The following RIMBP2 variants were observed in gnomAD, a reference collection of about 807,000 sequenced individuals.
RIMBP2 encodes RIMS-binding protein 2.
In RIMBP2, 48 loss-of-function variants were observed where a neutral mutation model predicts 118.6. That is an observed-to-expected ratio of 0.40 (90% CI 0.32 to 0.51). The LOEUF is 0.51. Among genes scored for constraint, RIMBP2 ranks in the 20% least tolerant of loss-of-function variants. The pLI is 0.41. For synonymous variants in RIMBP2, 762 were observed against 742.9 expected (o/e 1.03, Z -0.42); for missense variants, 1,551 against 1,768.3 (o/e 0.88, Z 2.20).
rs1027523336 is a variant in RIMBP2, at chr12:130,642,565, G to A, written c.-351-14109C>T. On this transcript the variant is annotated intron_variant, in intron 1 of 22. Coordinates refer to ENST00000690449, the MANE Select transcript of RIMBP2 (RefSeq NM_001393629.1). ...CTCCTAAAGTGTTGGGATTACAGGC[G>A]TGAGCCACCATGCCCAGCCTGGGTT... is the stretch of plus-strand genomic sequence containing the variant. 1.2e-4 allele frequency among the ~76,000 whole-genome samples: 19 copies of A among 152,312 alleles called. No homozygotes were observed. The South Asian group carries it at 2.5e-3, about 20-fold the overall frequency.
intron 6 of RIMBP2, among the ~76,000 whole-genome samples, chr12:130,468,540 G>C (rs749136648): frequency 2.0e-5 from 3 of 152,068 alleles, no homozygotes; most frequent in Admixed American, 6.5e-5. Flanking sequence ...ACTTTCAAAG[G>C]CCTGTCTCGG....
rs2063775804 is a variant in RIMBP2 at position 130,664,334 on chromosome 12, C to A, written c.-351-35878G>T. Among the ~76,000 whole-genome samples the A allele has an allele frequency of 1.3e-5, 2 of 151,400 alleles. 1 individual carries two copies. The highest frequency in any genetic ancestry group is 2.9e-5 in the Non-Finnish European group (2 of 68,028). On this transcript the variant is annotated intron_variant, in intron 1 of 22. Transcript: ENST00000690449. ...AATAGAGATAAGTTGGAAATAGACA[C>A]AGAAATACACACACACATGCACACA...
At chr12:130,510,725 T>C (rs1593587757) in intron 3 of RIMBP2, among the ~76,000 whole-genome samples, 1 of 152,198 alleles carries the variant, frequency 6.6e-6, no homozygotes, top group East Asian at 1.9e-4. Flanking sequence ...CACTTCGGCC[T>C]CCCGAAGTGC....
intron 1 of RIMBP2, among the ~76,000 whole-genome samples, chr12:130,699,921 A>G (rs1417884939): frequency 1.3e-5 from 2 of 150,912 alleles, no homozygotes; most frequent in Non-Finnish European, 3.0e-5. Flanking sequence ...AAAAAAAAAA[A>G]AAAAAAAAGA....
chr12:130,437,021 C>A lies in RIMBP2; in HGVS notation c.1927G>T (p.Glu643Ter). ...ACAGGGCCAGGTGCACGGCTCTGCT[C>A]CCAGGCCTCATCCATCCTGGCGTGG... ...GPHARMDEAW[E>*]QSRAPGPVHG... Residue 643 changes from glutamate to a stop codon, truncating the protein, a stop_gained, in exon 13 of 23, where the codon GAG becomes TAG. Transcript: ENST00000690449. LOFTEE classifies it high-confidence loss of function. The A allele has an allele frequency of 6.3e-7, 1 of 1,591,328 alleles. No individual in the cohort carries two copies. The highest frequency in any genetic ancestry group is 1.1e-5 in the South Asian group (1 of 87,922).
At chr12:130,636,144 C>T (rs2062333438) in intron 1 of RIMBP2, among the ~76,000 whole-genome samples, 3 of 152,318 alleles carry the variant, frequency 2.0e-5, no homozygotes, top group Admixed American at 2.0e-4. Flanking sequence ...CCAGACCTCA[C>T]ACTCGCTATC....
rs1278838156 is a variant in RIMBP2, at chr12:130,511,417, C to T, written c.-126-4647G>A. On this transcript the variant is annotated intron_variant, in intron 3 of 22. Coordinates refer to ENST00000690449, the MANE Select transcript of RIMBP2 (RefSeq NM_001393629.1). This position sits in a 1 kb window ranked among gnomAD's most constrained non-coding sequence, Gnocchi z 4.3. ...ACAGCAGTCCTCGTTACCGCGAGCA[C>T]GCGTCGAATTGTCACTCTACACCAA... Among the ~76,000 whole-genome samples the T allele has an allele frequency of 1.3e-5, 2 of 152,188 alleles. No individual in the cohort carries two copies. Among genetic ancestry groups the T allele is most frequent in the Admixed American group, 6.5e-5 (1 of 15,278 alleles).
At chr12:130,610,591 C>T (rs375179463) in intron 2 of RIMBP2, among the ~76,000 whole-genome samples, 7 of 111,088 alleles carry the variant, frequency 6.3e-5, no homozygotes, top group East Asian at 2.7e-4. Flanking sequence ...GACGGAGTCT[C>T]GCTCTGTCGC....
At chr12:130,535,676 CAT>C (rs1321004844) in intron 2 of RIMBP2, among the ~76,000 whole-genome samples, 28 of 116,524 alleles carry the variant, frequency 2.4e-4, no homozygotes, top group East Asian at 1.8e-3. Flanking sequence ...CATATATACA[CAT>C]ATATATACAC....
At position 130,550,790 on chromosome 12, in the gene RIMBP2, G is replaced by T. The variant is rs116010886; in HGVS notation, c.-216-32873C>A. ...TGGGAGATTCTAAAAGACACAAAAGGTAATCTCTGTCCTCAGGGAGCTTAT... is the reference window on the plus strand; with the variant it reads ...TGGGAGATTCTAAAAGACACAAAAGTTAATCTCTGTCCTCAGGGAGCTTAT... On this transcript the variant is annotated intron_variant, in intron 2 of 22. Transcript: ENST00000690449. Among the ~76,000 whole-genome samples the T allele has an allele frequency of 3.2e-3, 491 of 152,320 alleles. 4 individuals carry two copies. The highest frequency in any genetic ancestry group is 0.011 in the African/African-American group (470 of 41,570).
chr12:130,529,674 G>A (rs1458302303), intron 2 of RIMBP2, among the ~76,000 whole-genome samples: 1 of 152,162 alleles, frequency 6.6e-6, no homozygotes, highest in East Asian at 1.9e-4. Flanking sequence ...CAGCAAAAGA[G>A]TCTGAAGGGC....
At chr12:130,693,797 C>A (rs552392033) in intron 1 of RIMBP2, among the ~76,000 whole-genome samples, 2 of 152,306 alleles carry the variant, frequency 1.3e-5, no homozygotes, top group Middle Eastern at 3.4e-3. Context: ...CCTTTAATTG[C>A]GGATGATTCA....
intron 2 of RIMBP2, among the ~76,000 whole-genome samples, chr12:130,614,792 T>G (rs895368643): frequency 2.6e-5 from 4 of 151,720 alleles, no homozygotes; most frequent in African/African-American, 9.7e-5. Flanking sequence ...TGTGTTGACA[T>G]GAAAAATGTT....
chr12:130,407,526 C>T (rs1048043882), intron 20 of RIMBP2, among the ~76,000 whole-genome samples, 200 bp downstream of exon 20: 3 of 152,188 alleles, frequency 2.0e-5, no homozygotes, highest in Non-Finnish European at 2.9e-5. Context: ...CAGGGGCTGG[C>T]CATGTCCCTG....
At chr12:130,495,283 C>G (rs141451364) in intron 4 of RIMBP2, among the ~76,000 whole-genome samples, 1 of 152,356 alleles carries the variant, frequency 6.6e-6, no homozygotes, top group Non-Finnish European at 1.5e-5. Flanking sequence ...CTCTGGACAC[C>G]TGCCCCAGAC....
At chr12:130,707,719 G>A (rs959899422) in intron 1 of RIMBP2, among the ~76,000 whole-genome samples, 14 of 152,172 alleles carry the variant, frequency 9.2e-5, no homozygotes, top group Admixed American at 6.5e-4. Context: ...GCCTGGGGGC[G>A]CTGAGGCAGT....
chr12:130,421,671 A>G (rs371663365), intron 17 of RIMBP2, among the ~76,000 whole-genome samples: 5 of 143,196 alleles, frequency 3.5e-5, no homozygotes, highest in East Asian at 4.1e-4. Flanking sequence ...TGCTGTATCA[A>G]GAGTTCTCCC....
At chr12:130,464,588 G>T (rs2080292312) in intron 6 of RIMBP2, among the ~76,000 whole-genome samples, 2 of 152,252 alleles carry the variant, frequency 1.3e-5, no homozygotes, top group Admixed American at 6.5e-5. Context: ...TATGTGCTTG[G>T]CCCTGCCTGG....
At chr12:130,681,022 A>G (rs1418434954) in intron 1 of RIMBP2, among the ~76,000 whole-genome samples, 1 of 152,254 alleles carries the variant, frequency 6.6e-6, no homozygotes, top group African/African-American at 2.4e-5. Context: ...GGCTTTCCTG[A>G]TAATTAATAA....
Sources: gnomAD v4.1 joint callset for allele counts (sites outside exome capture counted in the v4.1 genomes callset) on GRCh38, gnomAD v4.1.1 for gene constraint, Gnocchi (gnomAD v3.1) non-coding constraint, MANE v1.5 for transcripts, NCBI Gene and HGNC (gene_info 2026-07-23, HGNC 2026-07-21) for gene names.